The following DOCK5 variants were observed in gnomAD, a reference collection of about 807,000 sequenced individuals.
DOCK5 encodes the protein dedicator of cytokinesis protein 5.
A neutral mutation model predicts 251.8 loss-of-function variants in DOCK5; 142 were observed. The ratio of observed to expected loss-of-function variants is 0.56; its 90% CI spans 0.49 to 0.65. DOCK5 has a LOEUF of 0.65. Among genes scored for constraint, DOCK5 ranks in the 30% least tolerant of loss-of-function variants. The pLI is 0.00. For missense variants in DOCK5, 2,111 were observed against 2,312.3 expected (o/e 0.91, Z 1.79); for synonymous variants, 842 against 835.5 (o/e 1.01, Z -0.13).
At chr8:25,260,310 A>G (rs1563328535) in intron 2 of DOCK5, among the ~76,000 whole-genome samples, 1 of 152,092 alleles carries the variant, frequency 6.6e-6, no homozygotes, top group Non-Finnish European at 1.5e-5. Context: ...CTTAAAGGAA[A>G]AACAACAGGA....
intron 1 of DOCK5, among the ~76,000 whole-genome samples, chr8:25,232,109 A>T (rs796376651): frequency 5.3e-5 from 8 of 152,312 alleles, no homozygotes; most frequent in African/African-American, 1.7e-4. Flanking sequence ...TTTTAAATTA[A>T]TTAGGACTTG....
At position 25,243,676 on chromosome 8, in the gene DOCK5, A is replaced by G. The variant is rs140538988; in HGVS notation, c.46A>G (p.Ile16Val). Residue 16 changes from isoleucine to valine, a missense_variant and splice_region_variant, in exon 2 of 52, where the codon ATC becomes GTC. By Grantham distance (29) the Ile-to-Val change is conservative (BLOSUM62 3). Transcript: ENST00000276440. ...PTKRQKYGVA[I>V]YNYNASQDVE... ...CCTTTTTTATTTCTCATTTCCAGCG[A>G]TCTATAACTACAATGCTTCTCAAGA... 2.5e-5 allele frequency: 40 copies of G among 1,613,024 alleles called. No individual in the cohort carries two copies. Among genetic ancestry groups the G allele is most frequent in the Non-Finnish European group, 3.2e-5 (38 of 1,179,468 alleles).
Position 25,332,653 on chromosome 8 carries a change from A to C in DOCK5, c.2052A>C (p.Ser684=). The C allele has an allele frequency of 6.2e-7, 1 of 1,612,714 alleles. No homozygotes were observed. Among genetic ancestry groups the C allele is most frequent in the East Asian group, 2.2e-5 (1 of 44,790 alleles). The change falls in exon 20 of 52, where the codon TCA becomes TCC. Residue 684 remains serine, a synonymous_variant. Coordinates refer to ENST00000276440, the MANE Select transcript of DOCK5 (RefSeq NM_024940.8). ...TCTTTAACATAATGATGGAAATGTC[A>C]GACAGTGAAACCTATGACTTCCTTG... ...DALFNIMMEM[S]DSETYDFLVF... is the part of the protein sequence containing the mutation.
At chr8:25,222,219 A>G (rs184138859) in intron 1 of DOCK5, among the ~76,000 whole-genome samples, 1 of 152,164 alleles carries the variant, frequency 6.6e-6, no homozygotes, top group African/African-American at 2.4e-5. Flanking sequence ...TTTGCTTTCT[A>G]GGGTGGCTAT....
intron 28 of DOCK5, among the ~76,000 whole-genome samples, chr8:25,361,513 C>T (rs1396683288): frequency 2.6e-5 from 4 of 152,102 alleles, no homozygotes; most frequent in African/African-American, 9.7e-5. Context: ...CCTGGGGTGG[C>T]TGAGGCAGCA....
rs190486019 is a variant in DOCK5 at position 25,409,215 on chromosome 8, A to G, written c.5404+275A>G. ...GCAGATCTGCACTAGGACTAGACAG[A>G]TAACAAGTAACTTACAAGCTAACCA... On this transcript the variant is annotated intron_variant, in intron 50 of 51. Coordinates refer to ENST00000276440, the MANE Select transcript of DOCK5 (RefSeq NM_024940.8). Among the ~76,000 whole-genome samples, 11 of 152,374 alleles carry G rather than the reference A, an allele frequency of 7.2e-5. No individual in the cohort carries two copies. In the East Asian group the frequency reaches 1.7e-3, roughly 24 times the overall value.
In DOCK5 at chr8:25,184,735, G is replaced by T; in HGVS notation, c.-174G>T. ...CCAGCAGGTGACCGCGGGCGGCGCG[G>T]GCACGGGCACGGGCGCGGGCGGCGC... On this transcript the variant is annotated 5_prime_UTR_variant, in exon 1 of 52. Transcript: ENST00000276440. 2.6e-6 allele frequency: 1 copy of T among 380,126 alleles called. No homozygotes were observed. Among genetic ancestry groups the T allele is most frequent in the South Asian group, 1.1e-4 (1 of 8,846 alleles). 23.5% of individuals were successfully genotyped at this position (380,126 alleles called of 1,614,324 possible).
rs777325941 is a variant in DOCK5, at chr8:25,325,552, G to A, written c.1903+5G>A. On this transcript the variant is annotated splice_donor_5th_base_variant and intron_variant, in intron 18 of 51. Transcript: ENST00000276440. ...CCACAAAGCTCACCCAGAATGGTAG[G>A]AGTGGTGAATACACTGACACAAATA... is the stretch of plus-strand genomic sequence containing the variant. 7 of 1,612,926 alleles carry A rather than the reference G, an allele frequency of 4.3e-6. No individual in the cohort carries two copies. The highest frequency in any genetic ancestry group is 5.9e-6 in the Non-Finnish European group (7 of 1,179,362).
rs1408976535 is a variant in DOCK5 at position 25,299,022 on chromosome 8, A to G, written c.685A>G (p.Lys229Glu). The G allele has an allele frequency of 2.5e-6, 4 of 1,613,752 alleles. No homozygotes were observed. The highest frequency in any genetic ancestry group is 3.4e-6 in the Non-Finnish European group (4 of 1,179,868). ...CACCTATGGCCTCTATGTGAACTTCAAGAACTTTGTCTGCAACATCGGGGA... is the reference window on the plus strand; with the variant it reads ...CACCTATGGCCTCTATGTGAACTTCGAGAACTTTGTCTGCAACATCGGGGA... ...IHTYGLYVNF[K>E]NFVCNIGEDA... Residue 229 changes from lysine to glutamate, a missense_variant, in exon 8 of 52, where the codon AAG (lysine) becomes GAG (glutamate). Transcript: ENST00000276440.
chr8:25,337,571 G>T (rs933237229), intron 22 of DOCK5, among the ~76,000 whole-genome samples: 1 of 149,612 alleles, frequency 6.7e-6, no homozygotes, highest in South Asian at 2.1e-4. Flanking sequence ...GAGGAAAGAC[G>T]ACCATGATAG....
intron 2 of DOCK5, among the ~76,000 whole-genome samples, chr8:25,248,916 G>A (rs1803194619): frequency 6.6e-6 from 1 of 152,208 alleles, no homozygotes; most frequent in Non-Finnish European, 1.5e-5. Flanking sequence ...CCTTCTCTAT[G>A]AGGGAAATAC....
intron 1 of DOCK5, among the ~76,000 whole-genome samples, chr8:25,197,258 T>C (rs1296939709): frequency 6.6e-6 from 1 of 152,232 alleles, no homozygotes; most frequent in Non-Finnish European, 1.5e-5. Context: ...GAGGCAGAGA[T>C]GTGGATGAGC....
intron 27 of DOCK5, among the ~76,000 whole-genome samples, chr8:25,355,445 A>G (rs369251143): frequency 6.6e-6 from 1 of 152,294 alleles, no homozygotes; most frequent in African/African-American, 2.4e-5. Flanking sequence ...TTATTAAACT[A>G]ACCTGTTTAT....
intron 2 of DOCK5, among the ~76,000 whole-genome samples, chr8:25,267,954 C>T (rs1803806610): frequency 6.6e-6 from 1 of 151,958 alleles, no homozygotes; most frequent in South Asian, 2.1e-4. Flanking sequence ...CCTCCGCCTC[C>T]CAGGTGCAAG....
At chr8:25,190,037 C>T (rs1405576734) in intron 1 of DOCK5, among the ~76,000 whole-genome samples, 1 of 152,172 alleles carries the variant, frequency 6.6e-6, no homozygotes, top group Non-Finnish European at 1.5e-5. Context: ...CAGGCGCACG[C>T]CACCACGCCC....
chr8:25,230,868 T>G (rs1210577097), intron 1 of DOCK5, among the ~76,000 whole-genome samples: 1 of 151,914 alleles, frequency 6.6e-6, no homozygotes, highest in Non-Finnish European at 1.5e-5. Context: ...AATAAATAAA[T>G]AAATAAATTT....
chr8:25,263,056 A>T (rs1022015305), intron 2 of DOCK5, among the ~76,000 whole-genome samples: 4 of 151,974 alleles, frequency 2.6e-5, no homozygotes, highest in Non-Finnish European at 5.9e-5. Flanking sequence ...ATGTTTTTCT[A>T]GAGCTAATTC....
chr8:25,400,446 C>T (rs1259094080), intron 46 of DOCK5, among the ~76,000 whole-genome samples: 2 of 143,296 alleles, frequency 1.4e-5, no homozygotes, highest in Admixed American at 1.5e-4. Flanking sequence ...TGCAGTGAGC[C>T]GAGATCACGC....
chr8:25,321,624 C>G (rs1289215126), intron 16 of DOCK5, among the ~76,000 whole-genome samples: 4 of 152,044 alleles, frequency 2.6e-5, no homozygotes, highest in Admixed American at 1.3e-4. Context: ...GCTGCTGATC[C>G]AACAGGAGGC....
Sources: allele counts gnomAD v4.1 joint callset (sites outside exome capture counted in the v4.1 genomes callset), GRCh38; gene constraint gnomAD v4.1.1; transcripts MANE v1.5; gene names NCBI Gene and HGNC (gene_info 2026-07-23, HGNC 2026-07-21).